Variants in ALDOA observed in about 807,000 individuals in gnomAD.
ALDOA encodes aldolase, fructose-bisphosphate A.
In ALDOA, 26 loss-of-function variants were observed where a neutral mutation model predicts 43.9. The observed-to-expected ratio is 0.59, with a 90% confidence interval of 0.43 to 0.82. ALDOA has a LOEUF of 0.82. ALDOA is among the 40% of genes least tolerant of loss of function. The pLI, the probability that ALDOA is intolerant of heterozygous loss-of-function variation, is 0.00. For synonymous variants in ALDOA, 258 were observed against 222.6 expected (o/e 1.16, Z -1.42); for missense variants, 498 against 549.5 (o/e 0.91, Z 0.94).
rs74983000 is a variant in ALDOA, at chr16:30,067,395, G to A, written c.274+29G>A. The A allele has an allele frequency of 8.2e-4, 1,325 of 1,614,024 alleles. 20 individuals carry two copies. The East Asian group carries it at 0.026, about 31-fold the overall frequency. On this transcript the variant is annotated intron_variant, in intron 3 of 9. Transcript: ENST00000642816. Reference sequence around the variant, plus strand: ...CGGGCAGGAGACAGAATGGGTGGAGGGTGCAGGGTTGGGAGTGGCAGGCTG... The same window carrying A: ...CGGGCAGGAGACAGAATGGGTGGAGAGTGCAGGGTTGGGAGTGGCAGGCTG...
rs760489629 is a variant in ALDOA, at chr16:30,068,670, G to C, written c.511G>C (p.Ala171Pro). The part of the protein sequence containing the change: ...IKVDKGVVPL[A>P]GTNGETTTQG... ...GGTAGACAAGGGCGTGGTCCCCCTG[G>C]CAGGGACAAATGGCGAGACTACCAC... is the stretch of plus-strand genomic sequence containing the variant. Residue 171 changes from alanine to proline, a missense_variant, in exon 5 of 10, where the codon GCA becomes CCA. Ala to Pro is a conservative substitution (Grantham distance 27, BLOSUM62 -1). Coordinates refer to ENST00000642816, the MANE Select transcript of ALDOA (RefSeq NM_001243177.4). 11 of 1,614,068 alleles carry C rather than the reference G, an allele frequency of 6.8e-6. No individual in the cohort carries two copies. The highest frequency in any genetic ancestry group is 1.6e-4 in the Middle Eastern group (1 of 6,084).
At chr16:30,069,032 T>G (rs2151018109) in intron 6 of ALDOA, 54 bp downstream of exon 6, 1 of 1,612,218 alleles carries the variant, frequency 6.2e-7, no homozygotes, top group Non-Finnish European at 8.5e-7. Context: ...GTTCCAGTGT[T>G]GTTAATTTGC....
At chr16:30,065,115 G>A (rs533835981), upstream of ALDOA, among the ~76,000 whole-genome samples, 1 of 152,322 alleles carries the variant, frequency 6.6e-6, no homozygotes, top group Admixed American at 6.5e-5. Flanking sequence ...GACCCAGCCC[G>A]GCCTGCCAGC....
At chr16:30,069,745 G>A in intron 8 of ALDOA, 72 bp downstream of exon 8, 3 of 1,611,198 alleles carry the variant, frequency 1.9e-6, no homozygotes, top group Non-Finnish European at 2.5e-6. Context: ...CCATTTGGAC[G>A]GATTTCCATG....
At chr16:30,069,418 A>C in intron 7 of ALDOA, 29 bp downstream of exon 7, 1 of 1,614,108 alleles carries the variant, frequency 6.2e-7, no homozygotes. Context: ...GACCAGTGCA[A>C]GGTGGCTGGC....
intron 4 of ALDOA, chr16:30,067,875 G>A (rs2072177058): frequency 3.2e-6 from 2 of 632,934 alleles, no homozygotes; most frequent in South Asian, 1.9e-5. Context: ...AGAAGCTCAG[G>A]GAAGTGAAGT....
Position 30,067,258 on chromosome 16 carries a change from C to A in ALDOA, c.166C>A (p.Pro56Thr), listed in dbSNP as rs1242012859. The A allele has an allele frequency of 2.5e-6, 4 of 1,612,340 alleles. No homozygotes were observed. Among genetic ancestry groups the A allele is most frequent in the Non-Finnish European group, 2.5e-6 (3 of 1,180,026 alleles). Residue 56 changes from proline to threonine, a missense_variant, in exon 3 of 10, where the codon CCC becomes ACC. Coordinates refer to ENST00000642816, the MANE Select transcript of ALDOA (RefSeq NM_001243177.4). Reference protein sequence around the residue: ...GKELATTSTMPYQYPALTPEQ... With the variant: ...GKELATTSTMTYQYPALTPEQ... ...GGAACTTGCTACTACCAGCACCATG[C>A]CCTACCAATATCCAGCACTGACCCC... is the stretch of plus-strand genomic sequence containing the variant.
At chr16:30,066,412 G>C (rs2072106478) in intron 1 of ALDOA, among the ~76,000 whole-genome samples, 1 of 152,238 alleles carries the variant, frequency 6.6e-6, no homozygotes, top group African/African-American at 2.4e-5. Context: ...TTCTGAGCCC[G>C]GAACAGCTGC....
intron 7 of ALDOA, 24 bp downstream of exon 7, chr16:30,069,413 G>C: frequency 6.2e-7 from 1 of 1,614,088 alleles, no homozygotes; most frequent in Non-Finnish European, 8.5e-7. Context: ...TGCCTGACCA[G>C]TGCAAGGTGG....
intron 5 of ALDOA, 39 bp from the exon 6 acceptor site, chr16:30,068,779 C>T (rs1175447720): frequency 6.2e-7 from 1 of 1,614,182 alleles, no homozygotes; most frequent in Middle Eastern, 1.6e-4. Context: ...AACCACATGC[C>T]CCTCCCCACC....
chr16:30,067,218 T>C lies in ALDOA; in HGVS notation c.142-16T>C, dbSNP rs2072143038. ...CCCTAGCTAACTAGTCCTTCCCCTC[T>C]GTTTCCTGTATCCAGGAACTTGCTA... is the stretch of plus-strand genomic sequence containing the variant. On this transcript the variant is annotated splice_polypyrimidine_tract_variant and intron_variant, in intron 2 of 9. Transcript: ENST00000642816. The C allele has an allele frequency of 3.1e-6, 5 of 1,612,050 alleles. No individual in the cohort carries two copies. The highest frequency in any genetic ancestry group is 8.5e-7 in the Non-Finnish European group (1 of 1,179,980).
chr16:30,064,534 A>G (rs2072036902), upstream of ALDOA: 1 of 398,690 alleles, frequency 2.5e-6, no homozygotes, highest in East Asian at 3.6e-5. Context: ...CCTCCCCATC[A>G]ATAGGGCCGA....
chr16:30,069,894 C>T lies in ALDOA; in HGVS notation c.1026C>T (p.Asn342=). 1 of 1,614,174 alleles carries T rather than the reference C, an allele frequency of 6.2e-7. No homozygotes were observed. The highest frequency in any genetic ancestry group is 8.5e-7 in the Non-Finnish European group (1 of 1,180,040). The change falls in exon 9 of 10, where the codon AAC becomes AAT. Residue 342 remains asparagine, a synonymous_variant. Transcript: ENST00000642816. The stretch of plus-strand genomic sequence containing the variant: ...CGTCCATCAACCTCAATGCCATTAA[C>T]AAGTGCCCCCTGCTGAAGCCCTGGG... ...EEASINLNAI[N]KCPLLKPWAL...
At chr16:30,064,287 A>C (rs1277474589), upstream of ALDOA, 6 of 394,710 alleles carry the variant, frequency 1.5e-5, no homozygotes, top group Non-Finnish European at 2.7e-5. Flanking sequence ...TTCTTAAAAA[A>C]AACCAGGGCT....
Position 30,070,179 on chromosome 16 carries a change from C to T in ALDOA, c.1224C>T (p.Ser408=), listed in dbSNP as rs554392023. The T allele has an allele frequency of 1.1e-5, 17 of 1,614,130 alleles. No individual in the cohort carries two copies. The highest frequency in any genetic ancestry group is 3.3e-4 in the Middle Eastern group (2 of 6,062). ...GCGGTCAGGCTGGGGCTGCTGCCAG[C>T]GAGTCCCTCTTCGTCTCTAACCACG... ...TPSGQAGAAA[S]ESLFVSNHAY is the part of the protein sequence containing the mutation. Residue 408 remains serine (S), a synonymous_variant, in exon 10 of 10, where the codon AGC becomes AGT. Transcript: ENST00000642816.
Position 30,070,194 on chromosome 16 carries a change from C to G in ALDOA, c.1239C>G (p.Val413=). 3.1e-6 allele frequency: 5 copies of G among 1,614,174 alleles called. No individual in the cohort carries two copies. The highest frequency in any genetic ancestry group is 4.2e-6 in the Non-Finnish European group (5 of 1,180,032). The change falls in exon 10 of 10, where the codon GTC becomes GTG. Residue 413 remains valine, a synonymous_variant. Transcript: ENST00000642816. The stretch of plus-strand genomic sequence containing the variant: ...CTGCTGCCAGCGAGTCCCTCTTCGT[C>G]TCTAACCACGCCTATTAAGCGGAGG... ...AGAAASESLF[V]SNHAY
chr16:30,069,278 C>T (rs749215165), intron 6 of ALDOA, 28 bp from the exon 7 acceptor site: 2 of 1,613,288 alleles, frequency 1.2e-6, no homozygotes, highest in African/African-American at 1.3e-5. Flanking sequence ...TAGGAGGCCT[C>T]ACAGTGACCC....
chr16:30,066,206 C>T (rs2072096850), intron 1 of ALDOA: 1 of 152,326 alleles, frequency 6.6e-6, no homozygotes, highest in Non-Finnish European at 1.5e-5. Flanking sequence ...AGGATTAGGG[C>T]CCCTTAGCCC....
chr16:30,067,541 C>T lies in ALDOA; in HGVS notation c.366C>T (p.Asp122=), dbSNP rs764960141. The change falls in exon 4 of 10, where the codon GAC becomes GAT. Residue 122 remains aspartate, a synonymous_variant. Transcript: ENST00000642816. ...GCCAGCTGCTGCTGACAGCTGACGA[C>T]CGCGTGAACCCCTGCATTGGGGGTG... is the stretch of plus-strand genomic sequence containing the variant. ...FYRQLLLTAD[D]RVNPCIGGVI... is the part of the protein sequence containing the mutation. 3 of 1,613,878 alleles carry T rather than the reference C, an allele frequency of 1.9e-6. No individual in the cohort carries two copies. The East Asian group carries it at 6.7e-5, about 36-fold the overall frequency.
Sources: allele counts gnomAD v4.1 joint callset (sites outside exome capture counted in the v4.1 genomes callset), GRCh38; gene constraint gnomAD v4.1.1; transcripts MANE v1.5; gene names NCBI Gene and HGNC (gene_info 2026-07-23, HGNC 2026-07-21).